Variants in ABI3BP observed in about 807,000 individuals in gnomAD.
The protein encoded by ABI3BP is target of Nesh-SH3.
A neutral mutation model predicts 268.6 loss-of-function variants in ABI3BP; 216 were observed. The ratio of observed to expected loss-of-function variants is 0.80; its 90% CI spans 0.72 to 0.90. The LOEUF (loss-of-function observed/expected upper bound fraction) is 0.90, where lower values mean the gene tolerates loss of function less well. Ranked by LOEUF, ABI3BP falls within the 40% of genes least tolerant of loss-of-function variation. The pLI is 0.00. For missense variants in ABI3BP, 2,090 were observed against 2,182.4 expected (o/e 0.96, Z 0.84); for synonymous variants, 730 against 730.0 (o/e 1.00, Z 0.00).
chr3:100,770,844 G>A lies in ABI3BP; in HGVS notation c.4640C>T (p.Pro1547Leu), dbSNP rs2149911199. ...GAGGTTGGTGGGTGGGTTCTGTGGT[G>A]GGCTGGTGGCATTCCCCTCTGTGGC... is the stretch of plus-strand genomic sequence containing the variant. ...EEATEGNATS[P>L]PQNPPTNLTV... Residue 1547 changes from proline (P) to leucine (L), a missense_variant, in exon 62 of 68, where the codon CCA becomes CTA. Physicochemically the swap from Pro to Leu is moderately conservative, Grantham distance 98 (BLOSUM62 -3). Transcript: ENST00000471714. The A allele has an allele frequency of 6.2e-7, 1 of 1,605,020 alleles. No homozygotes were observed.
chr3:100,896,588 T>A (rs934677945), intron 4 of ABI3BP, among the ~76,000 whole-genome samples: 1 of 152,240 alleles, frequency 6.6e-6, no homozygotes, highest in Non-Finnish European at 1.5e-5. Context: ...CATTTTGCTG[T>A]AAGACTACAA....
intron 1 of ABI3BP, among the ~76,000 whole-genome samples, chr3:100,974,429 GCTAA>G (rs1182236934): frequency 1.3e-5 from 2 of 152,126 alleles, no homozygotes; most frequent in African/African-American, 2.4e-5. Flanking sequence ...AGTAAAAGGA[GCTAA>G]CTATTAATAC....
chr3:100,924,859 A>G (rs1440648600), intron 2 of ABI3BP, among the ~76,000 whole-genome samples: 2 of 152,206 alleles, frequency 1.3e-5, no homozygotes, highest in African/African-American at 2.4e-5. Context: ...TTCAATTTAT[A>G]TAACAAAAAA....
chr3:100,862,243 T>C, intron 14 of ABI3BP, 68 bp downstream of exon 14: 3 of 1,059,192 alleles, frequency 2.8e-6, no homozygotes, highest in Non-Finnish European at 4.1e-6. Flanking sequence ...TTAAGGAACC[T>C]ATAAAAACAA....
rs533888591 is a variant in ABI3BP at position 100,886,414 on chromosome 3, A to G, written c.462-91T>C. The G allele has an allele frequency of 1.9e-4, 174 of 939,426 alleles. 1 individual carries two copies. The South Asian group carries it at 3.1e-3, about 17-fold the overall frequency. The allele number at this position is 939,426 out of a possible 1,614,324, so 58.2% of individuals were successfully genotyped here. On this transcript the variant is annotated intron_variant, in intron 4 of 67. Coordinates refer to ENST00000471714, the MANE Select transcript of ABI3BP (RefSeq NM_001375547.2). ...CTTACTTCATCACAGATTTCAACCAACTTGGGATACTATTTAATATTGGCT... is the reference window on the plus strand; with the variant it reads ...CTTACTTCATCACAGATTTCAACCAGCTTGGGATACTATTTAATATTGGCT...
chr3:100,836,753 T>C (rs2098598478), intron 27 of ABI3BP, among the ~76,000 whole-genome samples: 1 of 152,176 alleles, frequency 6.6e-6, no homozygotes, highest in South Asian at 2.1e-4. Flanking sequence ...ATAAACACAT[T>C]GAGGACAAAC....
At chr3:100,774,779 G>A in intron 60 of ABI3BP, 106 bp from the exon 61 acceptor site, 2 of 899,624 alleles carry the variant, frequency 2.2e-6, no homozygotes, top group Non-Finnish European at 3.3e-6. Context: ...CTTGTAAACT[G>A]CTTGCAGTTT....
intron 2 of ABI3BP, among the ~76,000 whole-genome samples, chr3:100,912,980 G>T (rs537973204): frequency 2.6e-5 from 4 of 152,166 alleles, no homozygotes; most frequent in Admixed American, 2.6e-4. Flanking sequence ...AGAAGGGAGA[G>T]GGGAACCCCA....
intron 1 of ABI3BP, among the ~76,000 whole-genome samples, chr3:100,945,863 C>T (rs1038833878): frequency 7.2e-5 from 11 of 151,944 alleles, no homozygotes; most frequent in African/African-American, 1.5e-4. Context: ...TTCAGTCATA[C>T]GGTAAGTTAA....
intron 38 of ABI3BP, among the ~76,000 whole-genome samples, chr3:100,821,729 A>T (rs533518123): frequency 1.3e-5 from 2 of 150,010 alleles, no homozygotes; most frequent in African/African-American, 4.9e-5. Context: ...CAGCCTCCTG[A>T]GTAGCTGGGA....
chr3:100,801,321 G>GGGAGGCTGAGGCA (rs2097528230), intron 51 of ABI3BP, among the ~76,000 whole-genome samples: 1 of 151,314 alleles, frequency 6.6e-6, no homozygotes. Context: ...CCAGCTACTT[G>GGGAGGCTGAGGCA]GGAGGCTGAG....
intron 6 of ABI3BP, among the ~76,000 whole-genome samples, chr3:100,880,226 C>T (rs2099213087): frequency 6.6e-6 from 1 of 152,184 alleles, no homozygotes; most frequent in African/African-American, 2.4e-5. Flanking sequence ...CAGGCTCCCA[C>T]ACTGTTTTGG....
At chr3:100,775,688 G>A (rs2096679620) in intron 59 of ABI3BP, among the ~76,000 whole-genome samples, 1 of 152,170 alleles carries the variant, frequency 6.6e-6, no homozygotes, top group Non-Finnish European at 1.5e-5. Flanking sequence ...TTGGTAGGTA[G>A]AGACAAGAGC....
chr3:100,957,230 CAG>C (rs1216483587), intron 1 of ABI3BP, among the ~76,000 whole-genome samples: 1 of 152,024 alleles, frequency 6.6e-6, no homozygotes, highest in Non-Finnish European at 1.5e-5. Flanking sequence ...AAGTTGAAAG[CAG>C]AGCTAAAAAA....
At chr3:100,755,027 GTTTC>G (rs987693669) in intron 63 of ABI3BP, among the ~76,000 whole-genome samples, 45 of 152,288 alleles carry the variant, frequency 3.0e-4, no homozygotes, top group African/African-American at 1.1e-3. Flanking sequence ...CAAGGAGCCT[GTTTC>G]TTTAAGATGT....
intron 4 of ABI3BP, among the ~76,000 whole-genome samples, chr3:100,890,677 C>T (rs1008348409): frequency 6.6e-6 from 1 of 152,130 alleles, no homozygotes; most frequent in Non-Finnish European, 1.5e-5. Flanking sequence ...TATTTCTTTG[C>T]AATCTGTTGG....
chr3:100,768,125 G>T (rs1471783041), intron 62 of ABI3BP, among the ~76,000 whole-genome samples: 1 of 119,016 alleles, frequency 8.4e-6, no homozygotes, highest in African/African-American at 3.3e-5. Context: ...CTCACACTCT[G>T]TCGCCTAGGC....
intron 1 of ABI3BP, among the ~76,000 whole-genome samples, chr3:100,948,799 A>G (rs556684365): frequency 1.3e-5 from 2 of 152,270 alleles, no homozygotes; most frequent in South Asian, 4.1e-4. Flanking sequence ...AGGATTTTGG[A>G]ATATTTGCAT....
chr3:100,932,957 G>A (rs1381340278), intron 1 of ABI3BP, among the ~76,000 whole-genome samples: 1 of 151,956 alleles, frequency 6.6e-6, no homozygotes, highest in East Asian at 1.9e-4. Flanking sequence ...ACTTATGGGA[G>A]AGAAAGGAAT....
Sources: gnomAD v4.1 joint callset for allele counts (sites outside exome capture counted in the v4.1 genomes callset) on GRCh38, gnomAD v4.1.1 for gene constraint, MANE v1.5 for transcripts, NCBI Gene and HGNC (gene_info 2026-07-23, HGNC 2026-07-21) for gene names.